Variants in CLCA2 observed in about 807,000 individuals in gnomAD.
CLCA2 encodes chloride channel accessory 2, also known as calcium-activated chloride channel regulator 2.
A neutral mutation model predicts 82.9 loss-of-function variants in CLCA2; 85 were observed. The ratio of observed to expected loss-of-function variants is 1.03; its 90% confidence interval spans 0.86 to 1.23. The LOEUF (loss-of-function observed/expected upper bound fraction) is 1.23, where lower values mean the gene tolerates loss of function less well. Ranked by LOEUF, CLCA2 falls within the 50% of genes most tolerant of loss-of-function variation. CLCA2 has a pLI of 0.00. For synonymous variants in CLCA2, 421 were observed against 391.7 expected (o/e 1.07, Z -0.88); for missense variants, 1,089 against 1,124.8 (o/e 0.97, Z 0.45).
rs146595899 is a variant in CLCA2, at chr1:86,427,547, TACAC to T, written c.325-847_325-844del. ...ACAGACACAGATGGACACACATACATACACACACACACACACACACACACACAAA... is the reference window on the plus strand; with the variant it reads ...ACAGACACAGATGGACACACATACATACACACACACACACACACACACAAA... On this transcript the variant is annotated intron_variant, in intron 2 of 13. Coordinates refer to ENST00000370565, the MANE Select transcript of CLCA2 (RefSeq NM_006536.7). Among the ~76,000 whole-genome samples the T allele has an allele frequency of 4.3e-3, 632 of 148,316 alleles. 4 individuals carry two copies. Among genetic ancestry groups the T allele is most frequent in the African/African-American group, 7.0e-3 (281 of 40,318 alleles).
chr1:86,434,543 C>G lies in CLCA2; in HGVS notation c.770C>G (p.Thr257Ser), dbSNP rs761719997. ...SSVVEFCNAS[T>S]HNQEAPNLQN... The stretch of plus-strand genomic sequence containing the variant: ...GTGGTTGAATTTTGTAATGCAAGTA[C>G]CCACAACCAAGAAGCACCAAACCTA... The change falls in exon 6 of 14, where the codon ACC (threonine) becomes AGC (serine). Residue 257 changes from threonine (T) to serine (S), a missense_variant. By Grantham distance (58) the Thr-to-Ser change is moderately conservative (BLOSUM62 1). Transcript: ENST00000370565. The G allele has an allele frequency of 6.2e-7, 1 of 1,613,950 alleles. No individual in the cohort carries two copies. Among genetic ancestry groups the G allele is most frequent in the Non-Finnish European group, 8.5e-7 (1 of 1,179,924 alleles).
chr1:86,434,084 T>C (rs1202126731), intron 5 of CLCA2, among the ~76,000 whole-genome samples: 1 of 152,200 alleles, frequency 6.6e-6, no homozygotes, highest in Non-Finnish European at 1.5e-5. Flanking sequence ...TAGAAAAATA[T>C]ATGTTGACTG....
chr1:86,424,201 T>A lies in CLCA2; in HGVS notation c.-47T>A. 2 of 1,542,056 alleles carry A rather than the reference T, an allele frequency of 1.3e-6. No homozygotes were observed. Among genetic ancestry groups the A allele is most frequent in the Non-Finnish European group, 8.8e-7 (1 of 1,141,828 alleles). On this transcript the variant is annotated 5_prime_UTR_variant, in exon 1 of 14. It removes an upstream start codon present in the reference 5' UTR. Coordinates refer to ENST00000370565, the MANE Select transcript of CLCA2 (RefSeq NM_006536.7). ...CATCCATATTGAAAACCTGACACAA[T>A]GTATGCAGCAGGCTCAGTGTGAGTG...
rs1256232146 is a variant in CLCA2, at chr1:86,453,561, T to C, written c.2348T>C (p.Leu783Pro). 1 of 1,614,164 alleles carries C rather than the reference T, an allele frequency of 6.2e-7. No homozygotes were observed. The highest frequency in any genetic ancestry group is 2.2e-5 in the East Asian group (1 of 44,878). The change falls in exon 13 of 14, where the codon CTA (leucine) becomes CCA (proline). Residue 783 changes from leucine (L) to proline (P), a missense_variant. Leu to Pro is a moderately conservative substitution (Grantham distance 98). Coordinates refer to ENST00000370565, the MANE Select transcript of CLCA2 (RefSeq NM_006536.7). Reference sequence around the variant, plus strand: ...GTAAAAGTAGAAGAGGAATTGACCCTATCTTGGACAGCACCTGGAGAAGAC... The same window carrying C: ...GTAAAAGTAGAAGAGGAATTGACCCCATCTTGGACAGCACCTGGAGAAGAC... ...EAVKVEEELT[L>P]SWTAPGEDFD...
intron 11 of CLCA2, 130 bp downstream of exon 11, chr1:86,447,908 A>C: frequency 5.3e-6 from 5 of 937,296 alleles, no homozygotes; most frequent in Non-Finnish European, 6.2e-6. Flanking sequence ...CAATATTCTC[A>C]AATTCTTATA....
chr1:86,428,772 G>A (rs1662439519), intron 3 of CLCA2, among the ~76,000 whole-genome samples: 1 of 152,146 alleles, frequency 6.6e-6, no homozygotes. Context: ...GGCCCAGAGA[G>A]GAGTGCTATA....
At chr1:86,433,489 TTTC>T (rs1200101934) in intron 5 of CLCA2, among the ~76,000 whole-genome samples, 1 of 152,222 alleles carries the variant, frequency 6.6e-6, no homozygotes, top group African/African-American at 2.4e-5. Flanking sequence ...ATACATTATG[TTTC>T]TTATTTATAG....
chr1:86,443,809 T>G lies in CLCA2; in HGVS notation c.1511T>G (p.Val504Gly), dbSNP rs1662788168. The change falls in exon 10 of 14, where the codon GTC (valine) becomes GGC (glycine). Residue 504 changes from valine (V) to glycine (G), a missense_variant. Val to Gly is a moderately radical substitution (Grantham distance 109). Coordinates refer to ENST00000370565, the MANE Select transcript of CLCA2 (RefSeq NM_006536.7). ...CAGCTTGAAAGTACAGGTGAAAATG[T>G]CAAACCTCACCATCAATTGAAAAAC... The part of the protein sequence containing the change: ...HIQLESTGEN[V>G]KPHHQLKNTV... 3.7e-6 allele frequency: 6 copies of G among 1,613,794 alleles called. No individual in the cohort carries two copies. The South Asian group carries it at 5.5e-5, about 15-fold the overall frequency.
chr1:86,455,565 C>T lies in CLCA2; in HGVS notation c.*38C>T. On this transcript the variant is annotated 3_prime_UTR_variant, in exon 14 of 14. Coordinates refer to ENST00000370565, the MANE Select transcript of CLCA2 (RefSeq NM_006536.7). ...AGTGTCTTCCTTCTTAGATATAAGA[C>T]CCATGGCCTTCGACTACAAAAACAT... 1 of 1,324,788 alleles carries T rather than the reference C, an allele frequency of 7.5e-7. No individual in the cohort carries two copies. Among genetic ancestry groups the T allele is most frequent in the Non-Finnish European group, 1.0e-6 (1 of 1,001,036 alleles). The allele number at this position is 1,324,788 out of a possible 1,614,324, so 82.1% of individuals were successfully genotyped here.
intron 4 of CLCA2, among the ~76,000 whole-genome samples, chr1:86,432,050 G>A (rs4656072): frequency 0.053 from 8,052 of 152,024 alleles, 301 homozygotes; most frequent in African/African-American, 0.093. Flanking sequence ...ATTCTCCTGC[G>A]TCAGCCTCCT....
In CLCA2 at chr1:86,440,316, C is replaced by T. The variant is rs572565439; in HGVS notation, c.1372C>T (p.Arg458Cys). ...SAAPNLEELS[R>C]LTGGLKFFVP... ...AGCCCCAAATCTGGAGGAATTATCACGTCTTACAGGTAATAAACTTTTAAA... is the reference window on the plus strand; with the variant it reads ...AGCCCCAAATCTGGAGGAATTATCATGTCTTACAGGTAATAAACTTTTAAA... The change falls in exon 8 of 14, where the codon CGT (arginine) becomes TGT (cysteine). Residue 458 changes from arginine to cysteine, a missense_variant. Transcript: ENST00000370565. The T allele has an allele frequency of 1.9e-5, 30 of 1,613,680 alleles. No homozygotes were observed. The highest frequency in any genetic ancestry group is 3.3e-5 in the South Asian group (3 of 90,934).
At chr1:86,435,489 A>G (rs1403002508) in intron 6 of CLCA2, among the ~76,000 whole-genome samples, 2 of 152,220 alleles carry the variant, frequency 1.3e-5, no homozygotes, top group Non-Finnish European at 2.9e-5. Flanking sequence ...AGAAGACCAT[A>G]TCTCAGTCAT....
At chr1:86,437,530 G>A (rs547168698) in intron 6 of CLCA2, among the ~76,000 whole-genome samples, 49 of 152,298 alleles carry the variant, frequency 3.2e-4, no homozygotes, top group African/African-American at 1.1e-3. Flanking sequence ...AGAGAAGAAA[G>A]GAGGACATTT....
At chr1:86,449,672 A>C (rs994111013) in intron 11 of CLCA2, among the ~76,000 whole-genome samples, 2 of 152,200 alleles carry the variant, frequency 1.3e-5, no homozygotes, top group Admixed American at 1.3e-4. Context: ...ACACTTTAGC[A>C]ATGATACACT....
At chr1:86,440,402 A>C in intron 8 of CLCA2, 77 bp downstream of exon 8, 109 of 1,202,332 alleles carry the variant, frequency 9.1e-5, no homozygotes, top group Middle Eastern at 2.3e-4. Context: ...TATGAAACTC[A>C]TTATATGGCT....
intron 5 of CLCA2, among the ~76,000 whole-genome samples, chr1:86,433,737 C>T (rs1289092180): frequency 1.3e-5 from 2 of 152,300 alleles, no homozygotes; most frequent in South Asian, 4.1e-4. Context: ...AGTTATCAAC[C>T]TTTCAAAGCT....
intron 6 of CLCA2, among the ~76,000 whole-genome samples, chr1:86,435,217 G>T (rs1288231494): frequency 6.6e-6 from 1 of 152,160 alleles, no homozygotes; most frequent in Non-Finnish European, 1.5e-5. Context: ...TCAGAATGTG[G>T]CCAAAAGTTG....
At position 86,430,953 on chromosome 1, in the gene CLCA2, T is replaced by A. The variant is rs931351612; in HGVS notation, c.567T>A (p.Asn189Lys). Residue 189 changes from asparagine (N) to lysine (K), a missense_variant, in exon 4 of 14, where the codon AAT (asparagine) becomes AAA (lysine). Transcript: ENST00000370565. Reference protein sequence around the residue: ...NDKPFYINGQNQIKVTRCSSD... With the variant: ...NDKPFYINGQKQIKVTRCSSD... ...AACCTTTCTACATAAATGGGCAAAA[T>A]CAAATTAAAGTGACAAGGTTAGTAC... 1.4e-5 allele frequency: 22 copies of A among 1,611,042 alleles called. No homozygotes were observed. The highest frequency in any genetic ancestry group is 1.6e-5 in the Non-Finnish European group (19 of 1,177,988).
chr1:86,444,282 T>A (rs1662803642), intron 10 of CLCA2, among the ~76,000 whole-genome samples: 1 of 152,222 alleles, frequency 6.6e-6, no homozygotes, highest in Non-Finnish European at 1.5e-5. Context: ...CTAGCCTACA[T>A]ATTTCTTTAC....
Sources: allele counts gnomAD v4.1 joint callset (sites outside exome capture counted in the v4.1 genomes callset), GRCh38; gene constraint gnomAD v4.1.1; transcripts MANE v1.5; gene names NCBI Gene and HGNC (gene_info 2026-07-23, HGNC 2026-07-21).